Variants in CLOCK observed in about 807,000 individuals in gnomAD.
The protein encoded by CLOCK is circadian locomoter output cycles protein kaput.
In CLOCK, 43 loss-of-function variants were observed where a neutral mutation model predicts 118.4. That is an observed-to-expected ratio of 0.36 (90% CI 0.28 to 0.47). The LOEUF (loss-of-function observed/expected upper bound fraction) is 0.47, where lower values mean the gene tolerates loss of function less well. Ranked by LOEUF, CLOCK falls within the 20% of genes least tolerant of loss-of-function variation. The probability of loss-of-function intolerance (pLI) is 1.00; values close to 1 mark genes in which losing one functional copy is unlikely to be tolerated. For missense variants in CLOCK, 846 were observed against 999.9 expected (o/e 0.85, Z 2.08); for synonymous variants, 326 against 339.2 (o/e 0.96, Z 0.43).
chr4:55,456,530 C>T (rs141469419), intron 11 of CLOCK, among the ~76,000 whole-genome samples: 10 of 152,048 alleles, frequency 6.6e-5, no homozygotes, highest in African/African-American at 9.6e-5. Flanking sequence ...GGCACGGTGG[C>T]GGGCACCTGT....
Position 55,453,836 on chromosome 4 carries a change from A to G in CLOCK, c.983-12T>C. On this transcript the variant is annotated splice_polypyrimidine_tract_variant and intron_variant, in intron 13 of 22. Transcript: ENST00000513440. ...CCCATATTGCATTACTAAAAGGAAA[A>G]TAGAGAAATATTTTTTCTTTAATTC... 2 of 1,572,956 alleles carry G rather than the reference A, an allele frequency of 1.3e-6. No homozygotes were observed. Among genetic ancestry groups the G allele is most frequent in the Non-Finnish European group, 1.7e-6 (2 of 1,151,392 alleles).
At chr4:55,521,193 ATC>A (rs1323306870) in intron 1 of CLOCK, among the ~76,000 whole-genome samples, 3 of 152,286 alleles carry the variant, frequency 2.0e-5, no homozygotes, top group Admixed American at 1.3e-4. Flanking sequence ...CCCTTAATTA[ATC>A]TGTCACATAA....
At chr4:55,519,542 T>C (rs1729727387) in intron 1 of CLOCK, among the ~76,000 whole-genome samples, 1 of 152,120 alleles carries the variant, frequency 6.6e-6, no homozygotes, top group African/African-American at 2.4e-5. Context: ...ATCCCAGCAC[T>C]TTGGGAGGCC....
intron 1 of CLOCK, among the ~76,000 whole-genome samples, chr4:55,533,743 T>C (rs745518416): frequency 3.3e-5 from 5 of 151,284 alleles, no homozygotes; most frequent in African/African-American, 7.3e-5. Flanking sequence ...TCTCTACTAA[T>C]AGCACAAAAA....
At position 55,428,198 on chromosome 4, in the gene CLOCK, C is replaced by T. The variant is rs1722315704; in HGVS notation, c.*7217G>A. 1 of 152,128 alleles carries T rather than the reference C, an allele frequency of 6.6e-6. No individual in the cohort carries two copies. The highest frequency in any genetic ancestry group is 2.1e-4 in the South Asian group (1 of 4,828). The allele number at this position is 152,128 out of a possible 1,614,324, so 9.4% of individuals were successfully genotyped here. A position where few individuals can be genotyped will look rare whatever the true frequency, so the allele number is the denominator to read the frequency against. On this transcript the variant is annotated 3_prime_UTR_variant, in exon 23 of 23. Coordinates refer to ENST00000513440, the MANE Select transcript of CLOCK (RefSeq NM_004898.4). ...ATAATAGTACACGCAGTTTTAAAAGCTATGCACATCATAACCTGGAATAAT... is the reference window on the plus strand; with the variant it reads ...ATAATAGTACACGCAGTTTTAAAAGTTATGCACATCATAACCTGGAATAAT...
chr4:55,543,045 C>G (rs994151193), intron 1 of CLOCK, among the ~76,000 whole-genome samples: 3 of 152,108 alleles, frequency 2.0e-5, no homozygotes, highest in Admixed American at 1.3e-4. Context: ...TCCCAATTAG[C>G]TGAAACTACG....
At position 55,485,109 on chromosome 4, in the gene CLOCK, C is replaced by T. The variant is rs113838271; in HGVS notation, c.-43-2281G>A. ...CTCCTGAGTAGCTGGGATTACAGGC[C>T]CAGACCACCACAAGCCAGCTAATTT... On this transcript the variant is annotated intron_variant, in intron 3 of 22. Transcript: ENST00000513440. Among the ~76,000 whole-genome samples, 1,067 of 151,822 alleles carry T rather than the reference C, an allele frequency of 7.0e-3. 11 individuals are homozygous for T. Among genetic ancestry groups the T allele is most frequent in the African/African-American group, 0.024 (1,008 of 41,394 alleles).
At chr4:55,486,713 G>A (rs1014211019) in intron 3 of CLOCK, among the ~76,000 whole-genome samples, 2 of 152,112 alleles carry the variant, frequency 1.3e-5, no homozygotes, top group African/African-American at 4.8e-5. Flanking sequence ...CTTCCAGTGT[G>A]GTGTCAAGAA....
intron 14 of CLOCK, 62 bp from the exon 15 acceptor site, chr4:55,453,191 C>T (rs561023609): frequency 7.7e-7 from 1 of 1,295,452 alleles, no homozygotes; most frequent in African/African-American, 1.5e-5. Flanking sequence ...TACTGCACAG[C>T]TGTAACTATT....
intron 2 of CLOCK, among the ~76,000 whole-genome samples, chr4:55,495,910 T>C (rs553794557): frequency 1.3e-3 from 193 of 152,072 alleles, no homozygotes; most frequent in African/African-American, 4.5e-3. Flanking sequence ...AAAAAACTGC[T>C]GGGCGCAGTG....
At chr4:55,483,218 A>G (rs1417540438) in intron 3 of CLOCK, among the ~76,000 whole-genome samples, 1 of 152,218 alleles carries the variant, frequency 6.6e-6, no homozygotes, top group African/African-American at 2.4e-5. Context: ...CTTTGGGCAC[A>G]TAACAGTGAA....
intron 1 of CLOCK, among the ~76,000 whole-genome samples, chr4:55,543,777 CAAA>C (rs1039744749): frequency 8.8e-6 from 1 of 113,810 alleles, no homozygotes. Flanking sequence ...ACTCCGTCTC[CAAA>C]AAAAAAAAAA....
At chr4:55,506,200 CT>C (rs1417835362) in intron 2 of CLOCK, among the ~76,000 whole-genome samples, 3 of 152,068 alleles carry the variant, frequency 2.0e-5, no homozygotes, top group African/African-American at 7.2e-5. Context: ...AAACACTTTT[CT>C]TTCAGTAAAT....
intron 9 of CLOCK, among the ~76,000 whole-genome samples, chr4:55,461,824 A>G (rs1276081337): frequency 6.6e-6 from 1 of 152,142 alleles, no homozygotes; most frequent in African/African-American, 2.4e-5. Flanking sequence ...TTTTTTGCAG[A>G]TAACAAAACT....
intron 15 of CLOCK, among the ~76,000 whole-genome samples, chr4:55,451,323 C>A (rs1474198036): frequency 6.6e-6 from 1 of 152,198 alleles, no homozygotes; most frequent in African/African-American, 2.4e-5. Context: ...TACAGCTGAT[C>A]ATTCACTCCT....
intron 1 of CLOCK, among the ~76,000 whole-genome samples, chr4:55,533,903 A>G (rs1237721355): frequency 6.6e-6 from 1 of 152,178 alleles, no homozygotes; most frequent in East Asian, 1.9e-4. Flanking sequence ...ACTCCATCTC[A>G]AAAAAATAAA....
intron 14 of CLOCK, 60 bp downstream of exon 14, chr4:55,453,616 CA>C: frequency 6.7e-7 from 1 of 1,490,558 alleles, no homozygotes; most frequent in South Asian, 1.2e-5. Context: ...ATAAAAGTTA[CA>C]ATGCCAAAAT....
chr4:55,529,294 G>C (rs1490963617), intron 1 of CLOCK, among the ~76,000 whole-genome samples: 3 of 152,120 alleles, frequency 2.0e-5, no homozygotes. Context: ...AAGTAGCTAG[G>C]ACTATAGACA....
At chr4:55,486,629 G>C (rs1727316284) in intron 3 of CLOCK, 1 of 152,150 alleles carries the variant, frequency 6.6e-6, no homozygotes, top group African/African-American at 2.4e-5. Context: ...TTAATCAACA[G>C]TTTAGTTGGA....
Sources: gnomAD v4.1 joint callset for allele counts (sites outside exome capture counted in the v4.1 genomes callset) on GRCh38, gnomAD v4.1.1 for gene constraint, MANE v1.5 for transcripts, NCBI Gene and HGNC (gene_info 2026-07-23, HGNC 2026-07-21) for gene names.